ITSN1: variants seen among roughly 807,000 people sequenced by gnomAD.
ITSN1 encodes the protein intersectin-1.
ITSN1 carries 58 observed loss-of-function variants against 239.8 expected under a neutral mutation model. That is an observed-to-expected ratio of 0.24 (90% CI 0.20 to 0.30). ITSN1 has a LOEUF of 0.30. Ranked by LOEUF, ITSN1 falls within the 10% of genes least tolerant of loss-of-function variation. The probability of loss-of-function intolerance (pLI) is 1.00; values close to 1 mark genes in which losing one functional copy is unlikely to be tolerated. For missense variants in ITSN1, 1,558 were observed against 2,103.3 expected, an observed-to-expected ratio of 0.74 and a Z score of 5.07; for synonymous variants, 780 against 770.8, an observed-to-expected ratio of 1.01 and a Z score of -0.20.
At chr21:33,747,628 A>T (rs1399596906) in intron 5 of ITSN1, among the ~76,000 whole-genome samples, 2 of 152,228 alleles carry the variant, frequency 1.3e-5, no homozygotes, top group Non-Finnish European at 2.9e-5. Context: ...GCATAGATAT[A>T]AATAACAGCA....
At position 33,713,733 on chromosome 21, in the gene ITSN1, TG is replaced by T. The variant is rs35381063; in HGVS notation, c.-32-5060del. ...TCATCTACATGTTTCTACTATTGTC[TG>T]GGGTTCCTTAGGAGCCAAGGAGAAC... On this transcript the variant is annotated intron_variant, in intron 1 of 39. Transcript: ENST00000381318. Among the ~76,000 whole-genome samples, 5 of 151,860 alleles carry T rather than the reference TG, an allele frequency of 3.3e-5. No individual in the cohort carries two copies. The East Asian group carries it at 9.7e-4, about 29-fold the overall frequency.
At chr21:33,688,400 T>TTG (rs1346784193) in intron 1 of ITSN1, among the ~76,000 whole-genome samples, 2 of 152,176 alleles carry the variant, frequency 1.3e-5, no homozygotes. Context: ...AGTTCTGAGT[T>TTG]TATGTGGATG....
At position 33,705,105 on chromosome 21, in the gene ITSN1, C is replaced by T. The variant is rs111881002; in HGVS notation, c.-32-13692C>T. The stretch of plus-strand genomic sequence containing the variant: ...CAGCCTGGGCAACAGAGCAAGACTC[C>T]GTCTCAAAAAAAAAAAAAAAAAAAG... On this transcript the variant is annotated intron_variant, in intron 1 of 39. Transcript: ENST00000381318. 3.1e-3 allele frequency among the ~76,000 whole-genome samples: 374 copies of T among 120,806 alleles called. 1 individual carries two copies. The highest frequency in any genetic ancestry group is 8.1e-3 in the African/African-American group (222 of 27,562). The allele number at this position is 120,806 out of a possible 152,430, so 79.3% of individuals were successfully genotyped here.
chr21:33,655,880 G>C (rs550402885), intron 1 of ITSN1, among the ~76,000 whole-genome samples: 6 of 152,198 alleles, frequency 3.9e-5, no homozygotes, highest in African/African-American at 1.4e-4. Context: ...AAAAAACTCA[G>C]TGATAAGTTT....
intron 2 of ITSN1, 23 bp downstream of exon 2, chr21:33,718,879 T>C (rs751793951): frequency 2.5e-6 from 4 of 1,603,178 alleles, no homozygotes; most frequent in Non-Finnish European, 3.4e-6. Flanking sequence ...AAATTTCTCT[T>C]TTTAATGTAC....
intron 4 of ITSN1, among the ~76,000 whole-genome samples, chr21:33,729,270 G>GA (rs2066017108): frequency 6.6e-6 from 1 of 151,920 alleles, no homozygotes; most frequent in Non-Finnish European, 1.5e-5. Context: ...GGGCAACATA[G>GA]TGAGACCCCG....
intron 29 of ITSN1, among the ~76,000 whole-genome samples, chr21:33,844,661 A>G (rs2074931688): frequency 6.6e-6 from 1 of 152,018 alleles, no homozygotes; most frequent in African/African-American, 2.4e-5. Context: ...ATGCCTCTCA[A>G]TATCCAGACC....
chr21:33,823,303 T>C (rs2073796403), intron 24 of ITSN1, among the ~76,000 whole-genome samples, 184 bp from the exon 25 acceptor site: 1 of 152,222 alleles, frequency 6.6e-6, no homozygotes, highest in African/African-American at 2.4e-5. Flanking sequence ...ACTGAACTTT[T>C]ATGTGCACTG....
At chr21:33,753,675 T>G (rs2067713145) in intron 7 of ITSN1, among the ~76,000 whole-genome samples, 1 of 149,324 alleles carries the variant, frequency 6.7e-6, no homozygotes, top group Non-Finnish European at 1.5e-5. Context: ...GGCAAGAGAA[T>G]TGCTTGAATC....
intron 34 of ITSN1, among the ~76,000 whole-genome samples, chr21:33,875,839 C>T (rs1163168302): frequency 6.6e-6 from 1 of 152,186 alleles, no homozygotes; most frequent in Non-Finnish European, 1.5e-5. Context: ...CGCCACTACA[C>T]CCGGCTAATT....
At chr21:33,788,688 A>G (rs1013109249) in intron 16 of ITSN1, among the ~76,000 whole-genome samples, 2 of 152,214 alleles carry the variant, frequency 1.3e-5, no homozygotes, top group African/African-American at 2.4e-5. Flanking sequence ...AGCCAAGATC[A>G]TGCCACTGCA....
chr21:33,822,352 C>T (rs1287461453), intron 24 of ITSN1, among the ~76,000 whole-genome samples: 1 of 152,152 alleles, frequency 6.6e-6, no homozygotes, highest in Non-Finnish European at 1.5e-5. Flanking sequence ...ATTAAAGGAA[C>T]ATCATCTGAG....
At chr21:33,851,855 C>T (rs2148464140) in intron 29 of ITSN1, among the ~76,000 whole-genome samples, 1 of 128,508 alleles carries the variant, frequency 7.8e-6, no homozygotes, top group African/African-American at 3.0e-5. Context: ...GCGATCATAG[C>T]TCACTGCAGC....
intron 29 of ITSN1, chr21:33,838,337 CA>C (rs1569286438): frequency 1.0e-6 from 1 of 985,252 alleles, no homozygotes; most frequent in Non-Finnish European, 1.2e-6. Flanking sequence ...TCACATGGTG[CA>C]GAGAGCGAGG....
chr21:33,799,611 TGG>T (rs57619583), intron 18 of ITSN1, among the ~76,000 whole-genome samples, 195 bp from the exon 19 acceptor site: 4,155 of 152,232 alleles, frequency 0.027, 136 homozygotes, highest in African/African-American at 0.08. Flanking sequence ...AACTCTCTCA[TGG>T]GTTTTTGTTG....
intron 17 of ITSN1, among the ~76,000 whole-genome samples, chr21:33,795,011 A>G (rs1374816730): frequency 6.6e-6 from 1 of 152,214 alleles, no homozygotes; most frequent in Non-Finnish European, 1.5e-5. Context: ...TTTACTTGTA[A>G]CTTACTGTAG....
rs2072903598 is a variant in ITSN1, at chr21:33,811,344, TTCAGTACTCC to T, written c.2567+124_2567+133del. The T allele has an allele frequency of 3.1e-5, 28 of 899,444 alleles. No individual in the cohort carries two copies. The South Asian group carries it at 5.2e-4, about 17-fold the overall frequency. 55.7% of individuals were successfully genotyped at this position (899,444 alleles called of 1,614,324 possible). On this transcript the variant is annotated intron_variant, in intron 21 of 39. Transcript: ENST00000381318. Reference sequence around the variant, plus strand: ...TTCTATGTGAGGGAGCTGGCTCATTTTCAGTACTCCTTTCTCTAGCTGGCGAATTGGAGAT... The same window carrying T: ...TTCTATGTGAGGGAGCTGGCTCATTTTTTCTCTAGCTGGCGAATTGGAGAT...
At position 33,837,204 on chromosome 21, in the gene ITSN1, C is replaced by G. The variant is rs563005474; in HGVS notation, c.3661+572C>G. On this transcript the variant is annotated intron_variant, in intron 29 of 39. Coordinates refer to ENST00000381318, the MANE Select transcript of ITSN1 (RefSeq NM_003024.3). ...ATCGCAATGTTTGAGTTATTACTTG[C>G]AGAGATAGGAGCAAAAATTACAAAA... 2.6e-5 allele frequency: 33 copies of G among 1,275,650 alleles called. 1 individual carries two copies. In the African/African-American group the frequency reaches 3.8e-4, roughly 15 times the overall value. 79.0% of individuals were successfully genotyped at this position (1,275,650 alleles called of 1,614,324 possible).
At chr21:33,872,269 T>C (rs1029419661) in intron 33 of ITSN1, among the ~76,000 whole-genome samples, 3 of 152,232 alleles carry the variant, frequency 2.0e-5, no homozygotes, top group Non-Finnish European at 4.4e-5. Flanking sequence ...GAATTTATTC[T>C]AAGGAAATAA....
Sources: gnomAD v4.1 joint callset for allele counts (sites outside exome capture counted in the v4.1 genomes callset) on GRCh38, gnomAD v4.1.1 for gene constraint, MANE v1.5 for transcripts, NCBI Gene and HGNC (gene_info 2026-07-23, HGNC 2026-07-21) for gene names.